Variants in MYOZ2 observed in about 807,000 individuals in gnomAD.
The protein encoded by MYOZ2 is myozenin 2, also known as myozenin-2.
MYOZ2 carries 19 observed loss-of-function variants against 25.4 expected under a neutral mutation model. The observed-to-expected ratio is 0.75, with a 90% CI of 0.52 to 1.10. The LOEUF (loss-of-function observed/expected upper bound fraction) is 1.10. Among genes scored for constraint, MYOZ2 ranks in the 50% least tolerant of loss-of-function variants. The probability of loss-of-function intolerance (pLI) is 0.00; values close to 1 mark genes in which losing one functional copy is unlikely to be tolerated. For synonymous variants in MYOZ2, 92 were observed against 106.9 expected, an observed-to-expected ratio of 0.86 and a Z score of 0.86; for missense variants, 270 against 317.9, an observed-to-expected ratio of 0.85 and a Z score of 1.15.
At chr4:119,150,022 G>A (rs964696556) in intron 2 of MYOZ2, among the ~76,000 whole-genome samples, 4 of 152,020 alleles carry the variant, frequency 2.6e-5, no homozygotes, top group Non-Finnish European at 4.4e-5. Flanking sequence ...AGTCAACTGT[G>A]GCAAAAAGAC....
Position 119,185,991 on chromosome 4 carries a change from G to A in MYOZ2, c.586G>A (p.Glu196Lys). Residue 196 changes from glutamate (E) to lysine (K), a missense_variant, in exon 6 of 6, where the codon GAA becomes AAA. Glu to Lys is a moderately conservative substitution (Grantham distance 56, BLOSUM62 1). Transcript: ENST00000307128. Reference protein sequence around the residue: ...NRVATPFGGFEKASRMVKFKV... With the variant: ...NRVATPFGGFKKASRMVKFKV... ...GGTTGCCACACCATTTGGAGGTTTT[G>A]AAAAAGCATCAAGAATGGTTAAATT... 1 of 1,613,106 alleles carries A rather than the reference G, an allele frequency of 6.2e-7. No individual in the cohort carries two copies. Among genetic ancestry groups the A allele is most frequent in the Non-Finnish European group, 8.5e-7 (1 of 1,179,802 alleles).
intron 4 of MYOZ2, among the ~76,000 whole-genome samples, chr4:119,161,653 T>G (rs1741712498): frequency 2.6e-5 from 4 of 152,146 alleles, no homozygotes; most frequent in Non-Finnish European, 5.9e-5. Context: ...TTTAATGATA[T>G]CTATAAAAAG....
At chr4:119,153,745 G>A (rs1025803527) in intron 3 of MYOZ2, among the ~76,000 whole-genome samples, 2 of 152,096 alleles carry the variant, frequency 1.3e-5, no homozygotes, top group Non-Finnish European at 2.9e-5. Context: ...AAAAATAAGT[G>A]TAGCTTTGAA....
intron 5 of MYOZ2, among the ~76,000 whole-genome samples, chr4:119,175,893 A>G (rs568375424): frequency 6.6e-6 from 1 of 152,276 alleles, no homozygotes; most frequent in South Asian, 2.1e-4. Context: ...TTTCTGAACA[A>G]GGGGCATTGT....
At chr4:119,137,735 GAA>G in intron 2 of MYOZ2, among the ~76,000 whole-genome samples, 1 of 152,248 alleles carries the variant, frequency 6.6e-6, no homozygotes, top group Admixed American at 6.5e-5. Flanking sequence ...AATAAAATGA[GAA>G]TAATTCTGAG....
At chr4:119,180,194 T>G (rs1742159175) in intron 5 of MYOZ2, among the ~76,000 whole-genome samples, 1 of 152,232 alleles carries the variant, frequency 6.6e-6, no homozygotes, top group Non-Finnish European at 1.5e-5. Flanking sequence ...TGCTCTATTT[T>G]ATTTTTTCTC....
intron 2 of MYOZ2, among the ~76,000 whole-genome samples, chr4:119,146,034 T>C (rs1207959799): frequency 6.6e-6 from 1 of 152,182 alleles, no homozygotes; most frequent in Non-Finnish European, 1.5e-5. Context: ...ATTAATATTC[T>C]TATTATCTGT....
chr4:119,166,497 G>A (rs1741827776), intron 5 of MYOZ2, among the ~76,000 whole-genome samples: 1 of 143,100 alleles, frequency 7.0e-6, no homozygotes, highest in Admixed American at 7.2e-5. Context: ...CAATGGGAGA[G>A]AGACCCTGTC....
intron 2 of MYOZ2, among the ~76,000 whole-genome samples, chr4:119,143,879 T>C (rs1426138969): frequency 6.6e-6 from 1 of 152,232 alleles, no homozygotes; most frequent in East Asian, 1.9e-4. Context: ...CATGGCTTGA[T>C]AGCTCTTAAT....
intron 5 of MYOZ2, among the ~76,000 whole-genome samples, chr4:119,171,057 A>G (rs1324424776): frequency 1.3e-5 from 2 of 152,214 alleles, no homozygotes; most frequent in Non-Finnish European, 2.9e-5. Flanking sequence ...ATATCCAGTG[A>G]AAATATTATT....
At chr4:119,166,413 A>G (rs887780285) in intron 5 of MYOZ2, among the ~76,000 whole-genome samples, 2 of 151,854 alleles carry the variant, frequency 1.3e-5, no homozygotes, top group Non-Finnish European at 2.9e-5. Flanking sequence ...AAGTGAGGCG[A>G]GAGGGTCGCT....
At chr4:119,180,564 T>A (rs969913901) in intron 5 of MYOZ2, among the ~76,000 whole-genome samples, 1 of 152,214 alleles carries the variant, frequency 6.6e-6, no homozygotes, top group Non-Finnish European at 1.5e-5. Flanking sequence ...TGATCACATA[T>A]ATTTTTTTGA....
chr4:119,172,684 T>A (rs1351887934), intron 5 of MYOZ2, among the ~76,000 whole-genome samples: 1 of 152,212 alleles, frequency 6.6e-6, no homozygotes. Context: ...GGCTGATTTG[T>A]TAGTTCTGCA....
intron 5 of MYOZ2, among the ~76,000 whole-genome samples, chr4:119,178,391 C>T (rs1742121481): frequency 6.6e-6 from 1 of 152,334 alleles, no homozygotes; most frequent in African/African-American, 2.4e-5. Flanking sequence ...TGCCACTGGA[C>T]ATCACCCATA....
chr4:119,158,288 A>T (rs1389165077), intron 4 of MYOZ2, 137 bp downstream of exon 4: 3 of 1,217,172 alleles, frequency 2.5e-6, no homozygotes, highest in Admixed American at 4.4e-5. Context: ...GGCCCCAGGC[A>T]CGGTGGCTCC....
chr4:119,179,799 T>A (rs1036535480), intron 5 of MYOZ2, among the ~76,000 whole-genome samples: 1 of 152,204 alleles, frequency 6.6e-6, no homozygotes, highest in Admixed American at 6.5e-5. Flanking sequence ...GCAAAAGAAG[T>A]GAACACTGTG....
intron 2 of MYOZ2, among the ~76,000 whole-genome samples, chr4:119,145,506 C>CTCTG (rs1234265089): frequency 1.6e-5 from 2 of 128,234 alleles, no homozygotes; most frequent in African/African-American, 5.8e-5. Context: ...CCAGCTAAAA[C>CTCTG]TGTGTGTGTG....
chr4:119,165,594 T>A (rs570420882), intron 5 of MYOZ2, among the ~76,000 whole-genome samples: 4 of 152,158 alleles, frequency 2.6e-5, no homozygotes, highest in Non-Finnish European at 4.4e-5. Flanking sequence ...TTATTAGTAA[T>A]GCATCCCTTG....
At chr4:119,173,800 G>T (rs553595362) in intron 5 of MYOZ2, among the ~76,000 whole-genome samples, 2 of 152,230 alleles carry the variant, frequency 1.3e-5, no homozygotes, top group African/African-American at 4.8e-5. Context: ...AGGCCCGAGC[G>T]GGAACCGGGG....
Sources: allele counts gnomAD v4.1 joint callset (sites outside exome capture counted in the v4.1 genomes callset), GRCh38; gene constraint gnomAD v4.1.1; transcripts MANE v1.5; gene names NCBI Gene and HGNC (gene_info 2026-07-23, HGNC 2026-07-21).